MAP3K1: variants seen among roughly 807,000 people sequenced by gnomAD.
MAP3K1 encodes the protein mitogen-activated protein kinase kinase kinase 1, also known as MAP/ERK kinase kinase 1.
MAP3K1 carries 36 observed loss-of-function variants against 144.2 expected under a neutral mutation model. The ratio of observed to expected loss-of-function variants is 0.25; its 90% CI spans 0.19 to 0.33. MAP3K1 has a LOEUF of 0.33. Among genes scored for constraint, MAP3K1 ranks in the 10% least tolerant of loss-of-function variants. MAP3K1 has a pLI of 1.00. For missense variants in MAP3K1, 1,650 were observed against 1,881.9 expected (o/e 0.88, Z 2.28); for synonymous variants, 718 against 688.7 (o/e 1.04, Z -0.67).
At chr5:56,890,099 T>A (rs149402046) in intron 19 of MAP3K1, among the ~76,000 whole-genome samples, 278 of 152,296 alleles carry the variant, frequency 1.8e-3, no homozygotes, top group African/African-American at 6.3e-3. Flanking sequence ...TGACACTTTG[T>A]TTCTTGTTTG....
intron 1 of MAP3K1, among the ~76,000 whole-genome samples, chr5:56,844,739 G>A (rs1245287785): frequency 6.6e-6 from 1 of 152,166 alleles, no homozygotes; most frequent in Non-Finnish European, 1.5e-5. Flanking sequence ...GAGGAACACA[G>A]ACCCTGTTTT....
intron 1 of MAP3K1, among the ~76,000 whole-genome samples, chr5:56,856,327 A>G (rs1747343078): frequency 1.3e-5 from 2 of 152,240 alleles, no homozygotes; most frequent in East Asian, 3.8e-4. Context: ...ATTAAAAACA[A>G]TGCAGTCTTA....
Position 56,871,775 on chromosome 5 carries a change from A to G in MAP3K1, c.1302-135A>G, listed in dbSNP as rs1561192924. The stretch of plus-strand genomic sequence containing the variant: ...CTGTATATTAATAGTGTAAATATGT[A>G]TCTCTTAGTTATATAAGATGCTCTT... On this transcript the variant is annotated intron_variant, in intron 6 of 19. Transcript: ENST00000399503. The G allele has an allele frequency of 1.2e-5, 9 of 724,222 alleles. 1 individual carries two copies. Among genetic ancestry groups the G allele is most frequent in the South Asian group, 1.1e-4 (7 of 62,416 alleles). The allele number at this position is 724,222 out of a possible 1,614,324, so 44.9% of individuals were successfully genotyped here. A position where few individuals can be genotyped will look rare whatever the true frequency, so the allele number is the denominator to read the frequency against.
chr5:56,875,438 TC>T, intron 10 of MAP3K1, 128 bp downstream of exon 10: 2 of 938,808 alleles, frequency 2.1e-6, no homozygotes, highest in Non-Finnish European at 3.3e-6. Flanking sequence ...TTATTTTTAT[TC>T]CATAATTCCA....
intron 1 of MAP3K1, chr5:56,852,191 C>G (rs1454635959): frequency 6.6e-6 from 1 of 151,698 alleles, no homozygotes; most frequent in African/African-American, 2.4e-5. Flanking sequence ...TTAAGGGGCT[C>G]CAGGAAGAAG....
At chr5:56,816,164 A>G in intron 1 of MAP3K1, 109 bp downstream of exon 1, 2 of 1,090,564 alleles carry the variant, frequency 1.8e-6, no homozygotes, top group Non-Finnish European at 2.3e-6. Flanking sequence ...CAGCGAGGCT[A>G]CGCGCCGCTC....
chr5:56,826,006 T>G lies in MAP3K1; in HGVS notation c.482+9951T>G, dbSNP rs535004626. ...AAGAAAACAATTTTTATTTAAAAAT[T>G]TATTTTATAAGAAGTATTGGCATGA... On this transcript the variant is annotated intron_variant, in intron 1 of 19. Coordinates refer to ENST00000399503, the MANE Select transcript of MAP3K1 (RefSeq NM_005921.2). Among the ~76,000 whole-genome samples the G allele has an allele frequency of 5.3e-5, 8 of 152,236 alleles. No individual in the cohort carries two copies. In the East Asian group the frequency reaches 1.3e-3, roughly 26 times the overall value.
intron 1 of MAP3K1, among the ~76,000 whole-genome samples, chr5:56,827,610 TC>T (rs1192865600): frequency 6.6e-6 from 1 of 152,114 alleles, no homozygotes; most frequent in Non-Finnish European, 1.5e-5. Flanking sequence ...ACGCCCGTAA[TC>T]CCAGTACTTT....
At chr5:56,872,773 G>T (rs758272138) in intron 8 of MAP3K1, 51 bp downstream of exon 8, 30 of 1,606,994 alleles carry the variant, frequency 1.9e-5, no homozygotes, top group Non-Finnish European at 2.6e-5. Context: ...AAATTTCTCA[G>T]TGTGGTTTGT....
At chr5:56,884,982 G>A (rs966864628) in intron 16 of MAP3K1, among the ~76,000 whole-genome samples, 156 bp downstream of exon 16, 2 of 152,014 alleles carry the variant, frequency 1.3e-5, no homozygotes, top group Non-Finnish European at 2.9e-5. Flanking sequence ...CAAATACTTC[G>A]TTTTGTATTT....
chr5:56,851,627 GC>G (rs1436357610), intron 1 of MAP3K1, among the ~76,000 whole-genome samples: 1 of 152,096 alleles, frequency 6.6e-6, no homozygotes, highest in Non-Finnish European at 1.5e-5. Flanking sequence ...CGTGTTAAGT[GC>G]CACTCTTCCT....
intron 1 of MAP3K1, among the ~76,000 whole-genome samples, chr5:56,840,740 A>G (rs1296371338): frequency 6.6e-6 from 1 of 152,104 alleles, no homozygotes; most frequent in Non-Finnish European, 1.5e-5. Flanking sequence ...TAGAATTCAC[A>G]TTGGGACGTA....
intron 1 of MAP3K1, chr5:56,820,495 A>ATATGTAT: frequency 2.0e-6 from 2 of 985,230 alleles, no homozygotes; most frequent in Non-Finnish European, 2.4e-6. Context: ...ATGTTTCTGT[A>ATATGTAT]ACCTGGCCTT....
chr5:56,835,030 C>T (rs1037227611), intron 1 of MAP3K1, among the ~76,000 whole-genome samples: 7 of 152,190 alleles, frequency 4.6e-5, no homozygotes, highest in Non-Finnish European at 1.5e-5. Flanking sequence ...TCCAGTGTTT[C>T]TCTCCAATGG....
At chr5:56,869,981 C>G (rs962668526) in intron 6 of MAP3K1, among the ~76,000 whole-genome samples, 1 of 152,152 alleles carries the variant, frequency 6.6e-6, no homozygotes, top group Non-Finnish European at 1.5e-5. Context: ...CGCATTATGA[C>G]TTTGCTGACT....
intron 6 of MAP3K1, among the ~76,000 whole-genome samples, chr5:56,867,502 C>A (rs575785811): frequency 2.0e-5 from 3 of 151,928 alleles, no homozygotes; most frequent in African/African-American, 7.2e-5. Flanking sequence ...AAGAGAATAT[C>A]CACCAAAAAA....
At chr5:56,853,373 TAATTA>T (rs1747234953) in intron 1 of MAP3K1, among the ~76,000 whole-genome samples, 5 of 152,054 alleles carry the variant, frequency 3.3e-5, no homozygotes, top group Admixed American at 3.3e-4. Context: ...AATTTAGTCT[TAATTA>T]AATACAGAAT....
At chr5:56,828,237 A>G (rs959325645) in intron 1 of MAP3K1, among the ~76,000 whole-genome samples, 2 of 152,176 alleles carry the variant, frequency 1.3e-5, no homozygotes, top group African/African-American at 4.8e-5. Context: ...GAAAATGGCA[A>G]CTTTCAAAAT....
chr5:56,860,050 G>A (rs745607216), intron 3 of MAP3K1, 135 bp downstream of exon 3: 41 of 811,554 alleles, frequency 5.1e-5, no homozygotes, highest in Non-Finnish European at 7.2e-5. Context: ...GGATGGGGGG[G>A]GTGGTTCCTG....
Sources: gnomAD v4.1 joint callset for allele counts (sites outside exome capture counted in the v4.1 genomes callset) on GRCh38, gnomAD v4.1.1 for gene constraint, MANE v1.5 for transcripts, NCBI Gene and HGNC (gene_info 2026-07-23, HGNC 2026-07-21) for gene names.